Variants in STAC observed in about 807,000 individuals in gnomAD.
STAC encodes the protein SH3 and cysteine-rich domain-containing protein.
STAC carries 43 observed loss-of-function variants against 48.8 expected under a neutral mutation model. The ratio of observed to expected loss-of-function variants is 0.88; its 90% CI spans 0.69 to 1.14. The LOEUF is 1.14. Ranked by LOEUF, STAC falls within the 50% of genes most tolerant of loss-of-function variation. The probability of loss-of-function intolerance (pLI) is 0.00; values close to 1 mark genes in which losing one functional copy is unlikely to be tolerated. For synonymous variants in STAC, 193 were observed against 179.5 expected (o/e 1.07, Z -0.60); for missense variants, 497 against 504.0 (o/e 0.99, Z 0.13).
At chr3:36,509,980 A>C (rs1423268973) in intron 8 of STAC, among the ~76,000 whole-genome samples, 1 of 152,178 alleles carries the variant, frequency 6.6e-6, no homozygotes, top group African/African-American at 2.4e-5. Context: ...GAAACTAAAG[A>C]GTTTGTGCAC....
chr3:36,496,516 A>G (rs1698157224), intron 6 of STAC, among the ~76,000 whole-genome samples: 1 of 152,234 alleles, frequency 6.6e-6, no homozygotes, highest in Non-Finnish European at 1.5e-5. Context: ...ATTATGTCAA[A>G]TTCCTTGAGG....
At chr3:36,487,620 A>C (rs538663570) in intron 5 of STAC, among the ~76,000 whole-genome samples, 17 of 152,310 alleles carry the variant, frequency 1.1e-4, no homozygotes, top group Admixed American at 1.1e-3. Flanking sequence ...CCAATAGCGA[A>C]GAAATTTGAC....
intron 1 of STAC, among the ~76,000 whole-genome samples, chr3:36,411,637 T>A (rs1700196637): frequency 6.6e-6 from 1 of 152,294 alleles, no homozygotes; most frequent in Non-Finnish European, 1.5e-5. Context: ...CAGGAGAGAC[T>A]GTTCTTCCAT....
Position 36,380,541 on chromosome 3 carries a change from C to A in STAC, c.-103C>A. On this transcript the variant is annotated 5_prime_UTR_variant, in exon 1 of 11. Coordinates refer to ENST00000273183, the MANE Select transcript of STAC (RefSeq NM_003149.3). ...GGCGCCTCGGCGAGGATGGGAGTCC[C>A]CAGGACCCGGAGCTGAGCAGCCTGG... The A allele has an allele frequency of 1.1e-6, 1 of 927,230 alleles. No individual in the cohort carries two copies. Among genetic ancestry groups the A allele is most frequent in the Non-Finnish European group, 1.7e-6 (1 of 596,048 alleles). The allele number at this position is 927,230 out of a possible 1,614,324, so 57.4% of individuals were successfully genotyped here.
chr3:36,437,260 G>T (rs1432659389), intron 1 of STAC, among the ~76,000 whole-genome samples: 2 of 150,376 alleles, frequency 1.3e-5, no homozygotes, highest in African/African-American at 2.4e-5. Context: ...ATTTGACCCA[G>T]CCATCCCATT....
chr3:36,524,691 T>C (rs1211860255), intron 8 of STAC, among the ~76,000 whole-genome samples: 1 of 152,144 alleles, frequency 6.6e-6, no homozygotes, highest in Non-Finnish European at 1.5e-5. Flanking sequence ...ATCCACCACC[T>C]AGAGCCCAGT....
chr3:36,463,070 C>T (rs2125685298), intron 2 of STAC, among the ~76,000 whole-genome samples: 1 of 152,252 alleles, frequency 6.6e-6, no homozygotes, highest in Non-Finnish European at 1.5e-5. Flanking sequence ...GTTTTGCTAA[C>T]ATTGGATTTA....
At chr3:36,529,714 A>C (rs1346462133) in intron 10 of STAC, among the ~76,000 whole-genome samples, 1 of 151,862 alleles carries the variant, frequency 6.6e-6, no homozygotes. Context: ...TCTCTGGCCT[A>C]CTCTTCCTGT....
intron 2 of STAC, among the ~76,000 whole-genome samples, chr3:36,461,501 T>C (rs576506337): frequency 1.7e-3 from 255 of 152,180 alleles, no homozygotes; most frequent in African/African-American, 5.9e-3. Context: ...GATGAATGGA[T>C]GGATAGAGAT....
Position 36,493,187 on chromosome 3 carries a change from G to A in STAC, c.724G>A (p.Gly242Arg). 1 of 1,613,534 alleles carries A rather than the reference G, an allele frequency of 6.2e-7. No individual in the cohort carries two copies. Among genetic ancestry groups the A allele is most frequent in the Non-Finnish European group, 8.5e-7 (1 of 1,179,640 alleles). Residue 242 changes from glycine (G) to arginine (R), a missense_variant, in exon 6 of 11, where the codon GGG becomes AGG. Transcript: ENST00000273183. The part of the protein sequence containing the change: ...DLVEVPEEAN[G>R]PGGGYDLRKR... Reference sequence around the variant, plus strand: ...TGTGGAGGTTCCTGAGGAAGCCAATGGGCCAGGAGGCGGGTATGACCTAAG... The same window carrying A: ...TGTGGAGGTTCCTGAGGAAGCCAATAGGCCAGGAGGCGGGTATGACCTAAG...
At chr3:36,388,620 T>A (rs1281318815) in intron 1 of STAC, among the ~76,000 whole-genome samples, 1 of 152,010 alleles carries the variant, frequency 6.6e-6, no homozygotes, top group Non-Finnish European at 1.5e-5. Flanking sequence ...TACTTTTTGC[T>A]TTTATCATTT....
chr3:36,386,570 T>C (rs1466479522), intron 1 of STAC, among the ~76,000 whole-genome samples: 1 of 152,086 alleles, frequency 6.6e-6, no homozygotes, highest in African/African-American at 2.4e-5. Context: ...TTTTCTAGAA[T>C]TGTTATTATT....
intron 2 of STAC, among the ~76,000 whole-genome samples, chr3:36,464,894 A>T (rs879761724): frequency 6.6e-6 from 1 of 151,106 alleles, no homozygotes; most frequent in Non-Finnish European, 1.5e-5. Context: ...CTGGTCCCAC[A>T]TTTTTGCAGT....
At chr3:36,500,881 A>G (rs2125711112) in intron 6 of STAC, among the ~76,000 whole-genome samples, 1 of 152,300 alleles carries the variant, frequency 6.6e-6, no homozygotes, top group Non-Finnish European at 1.5e-5. Flanking sequence ...ATTTGATGCC[A>G]GGAGTTCAAG....
intron 8 of STAC, among the ~76,000 whole-genome samples, chr3:36,511,634 C>T (rs1251238607): frequency 1.3e-5 from 2 of 152,162 alleles, no homozygotes; most frequent in Non-Finnish European, 2.9e-5. Flanking sequence ...TGGAGGTAGA[C>T]GCCACTTGTC....
chr3:36,510,658 G>A (rs577033012), intron 8 of STAC, among the ~76,000 whole-genome samples: 13 of 152,092 alleles, frequency 8.5e-5, no homozygotes, highest in Non-Finnish European at 1.8e-4. Flanking sequence ...CCCTTTGCAG[G>A]GACATGGATG....
At position 36,430,709 on chromosome 3, in the gene STAC, T is replaced by G. The variant is rs147709228; in HGVS notation, c.112-12655T>G. The stretch of plus-strand genomic sequence containing the variant: ...GGGTGGCATAAACAACAGAAATTTA[T>G]TTTCTTGCAGCTCTAGAGGCTAGAA... On this transcript the variant is annotated intron_variant, in intron 1 of 10. Coordinates refer to ENST00000273183, the MANE Select transcript of STAC (RefSeq NM_003149.3). Among the ~76,000 whole-genome samples, 169 of 152,286 alleles carry G rather than the reference T, an allele frequency of 1.1e-3. No individual in the cohort carries two copies. In the Middle Eastern group the frequency reaches 0.014, roughly 12 times the overall value.
intron 8 of STAC, among the ~76,000 whole-genome samples, chr3:36,515,879 T>C (rs564606463): frequency 6.6e-6 from 1 of 151,852 alleles, no homozygotes; most frequent in South Asian, 2.1e-4. Context: ...GGGAGATATG[T>C]GGCCTTCTAT....
At chr3:36,512,644 G>A (rs1698571177) in intron 8 of STAC, among the ~76,000 whole-genome samples, 1 of 152,158 alleles carries the variant, frequency 6.6e-6, no homozygotes, top group Admixed American at 6.6e-5. Flanking sequence ...TTAGTTGGTT[G>A]CAGGCCATTA....
Sources: gnomAD v4.1 joint callset for allele counts (sites outside exome capture counted in the v4.1 genomes callset) on GRCh38, gnomAD v4.1.1 for gene constraint, MANE v1.5 for transcripts, NCBI Gene and HGNC (gene_info 2026-07-23, HGNC 2026-07-21) for gene names.